Variants in VWA3A observed in about 807,000 individuals in gnomAD.
The protein encoded by VWA3A is von Willebrand factor A domain-containing protein 3A.
A neutral mutation model predicts 160.4 loss-of-function variants in VWA3A; 134 were observed. That is an observed-to-expected ratio of 0.84 (90% confidence interval 0.73 to 0.96). The LOEUF (loss-of-function observed/expected upper bound fraction) is 0.96, where lower values mean the gene tolerates loss of function less well. Ranked by LOEUF, VWA3A falls within the 40% of genes least tolerant of loss-of-function variation. The pLI is 0.00. For missense variants in VWA3A, 1,310 were observed against 1,447.9 expected (o/e 0.90, Z 1.55); for synonymous variants, 476 against 543.4 (o/e 0.88, Z 1.72).
intron 7 of VWA3A, among the ~76,000 whole-genome samples, chr16:22,109,802 C>T (rs567737657): frequency 5.9e-5 from 9 of 152,356 alleles, no homozygotes; most frequent in Admixed American, 2.0e-4. Flanking sequence ...CCAGTATTCT[C>T]ACCACGACAG....
chr16:22,140,234 C>T lies in VWA3A; in HGVS notation c.2373C>T (p.Gly791=). 6.2e-7 allele frequency: 1 copy of T among 1,613,420 alleles called. No homozygotes were observed. Among genetic ancestry groups the T allele is most frequent in the Non-Finnish European group, 8.5e-7 (1 of 1,179,630 alleles). Residue 791 remains glycine (G), a synonymous_variant, in exon 23 of 34, where the codon GGC becomes GGT. Coordinates refer to ENST00000389398, the MANE Select transcript of VWA3A (RefSeq NM_173615.5). ...LKWRPLSSRV[G]ISPAAAQPTK... is the part of the protein sequence containing the mutation. ...GGCGTCCACTCAGTAGCAGAGTTGGCATCTCACCAGGTAAGGCACCATCAC... is the reference window on the plus strand; with the variant it reads ...GGCGTCCACTCAGTAGCAGAGTTGGTATCTCACCAGGTAAGGCACCATCAC...
chr16:22,119,596 G>A (rs1042471417), intron 12 of VWA3A, among the ~76,000 whole-genome samples: 9 of 152,328 alleles, frequency 5.9e-5, no homozygotes, highest in African/African-American at 2.2e-4. Context: ...ATTGAACCTG[G>A]GAGATTGAGG....
intron 31 of VWA3A, among the ~76,000 whole-genome samples, chr16:22,155,086 C>T (rs2046418330): frequency 4.0e-5 from 6 of 149,304 alleles, no homozygotes; most frequent in South Asian, 4.3e-4. Flanking sequence ...CCCAGGAGGT[C>T]GAGGCTACAG....
In VWA3A at chr16:22,096,943, T is replaced by G. The variant is rs955745374; in HGVS notation, c.99T>G (p.His33Gln). The change falls in exon 2 of 34, where the codon CAT (histidine) becomes CAG (glutamine). Residue 33 changes from histidine (H) to glutamine (Q), a missense_variant and splice_region_variant. By Grantham distance (24) the His-to-Gln change is conservative. Transcript: ENST00000389398. ...HGQENMFLEN[H>Q]CIRRNTGRDS... ...AAGAAAATATGTTTCTGGAAAACCATTGGTAAGCATAGTTCTCTGATTTTT... is the reference window on the plus strand; with the variant it reads ...AAGAAAATATGTTTCTGGAAAACCAGTGGTAAGCATAGTTCTCTGATTTTT... 1 of 1,535,150 alleles carries G rather than the reference T, an allele frequency of 6.5e-7. No homozygotes were observed. Among genetic ancestry groups the G allele is most frequent in the Admixed American group, 2.0e-5 (1 of 50,474 alleles).
Position 22,145,779 on chromosome 16 carries a change from C to CA in VWA3A, c.2731-445dup, listed in dbSNP as rs71151663. Among the ~76,000 whole-genome samples the CA allele has an allele frequency of 1.7e-3, 249 of 144,522 alleles. 1 individual carries two copies. Among genetic ancestry groups the CA allele is most frequent in the African/African-American group, 4.3e-3 (170 of 39,288 alleles). 94.8% of individuals were successfully genotyped at this position (144,522 alleles called of 152,430 possible). A position where few individuals can be genotyped will look rare whatever the true frequency, so the allele number is the denominator to read the frequency against. Reference sequence around the variant, plus strand: ...TAATAGAAGAAAAAAAGGCTTTAAACAAAAAAAAAAAATACACTTAACAGA... The same window carrying CA: ...TAATAGAAGAAAAAAAGGCTTTAAACAAAAAAAAAAAAATACACTTAACAGA... On this transcript the variant is annotated intron_variant, in intron 26 of 33. Coordinates refer to ENST00000389398, the MANE Select transcript of VWA3A (RefSeq NM_173615.5).
At chr16:22,134,658 G>GTGTT (rs34781292) in intron 21 of VWA3A, among the ~76,000 whole-genome samples, 21,818 of 151,426 alleles carry the variant, frequency 0.14, 1,712 homozygotes, top group African/African-American at 0.2. Flanking sequence ...GTGGCAATTG[G>GTGTT]TGTTTGTTTG....
chr16:22,137,009 A>T (rs2046056405), intron 21 of VWA3A, among the ~76,000 whole-genome samples: 1 of 152,004 alleles, frequency 6.6e-6, no homozygotes, highest in Non-Finnish European at 1.5e-5. Flanking sequence ...GGAGGCAGAG[A>T]TTGCAGTGAG....
Position 22,126,166 on chromosome 16 carries a change from G to A in VWA3A, c.1533-12G>A, listed in dbSNP as rs2045844965. ...ATTCGGTTCTCCTCTTAAAGCTCGT[G>A]TTTCCTTTTAGGGTGGTTGTACTGC... On this transcript the variant is annotated splice_polypyrimidine_tract_variant and intron_variant, in intron 16 of 33. Coordinates refer to ENST00000389398, the MANE Select transcript of VWA3A (RefSeq NM_173615.5). 5.6e-6 allele frequency: 9 copies of A among 1,613,090 alleles called. No individual in the cohort carries two copies. The highest frequency in any genetic ancestry group is 2.7e-5 in the African/African-American group (2 of 74,896).
At position 22,156,091 on chromosome 16, in the gene VWA3A, G is replaced by A. The variant is rs2046436441; in HGVS notation, c.*74G>A. 1 of 667,572 alleles carries A rather than the reference G, an allele frequency of 1.5e-6. No homozygotes were observed. The highest frequency in any genetic ancestry group is 2.5e-6 in the Non-Finnish European group (1 of 394,232). 41.4% of individuals were successfully genotyped at this position (667,572 alleles called of 1,614,324 possible). A position where few individuals can be genotyped will look rare whatever the true frequency, so the allele number is the denominator to read the frequency against. ...AATCTCAGCCCCGAGGGCAGGATGG[G>A]ATGAAATGCTGTGACCTGCAGGAAA... On this transcript the variant is annotated 3_prime_UTR_variant, in exon 34 of 34. Transcript: ENST00000389398.
Position 22,117,149 on chromosome 16 carries a change from C to CTG in VWA3A, c.964_965insGT (p.Tyr322CysfsTer63). ...ACCTTGCAGAAGCTGTTAGGGGCTA[C>CTG]TACCACTGCTACAGCCCAAAGATGG... On this transcript the variant is annotated frameshift_variant, in exon 11 of 34. Coordinates refer to ENST00000389398, the MANE Select transcript of VWA3A (RefSeq NM_173615.5). LOFTEE classifies it high-confidence loss of function. 6.3e-7 allele frequency: 1 copy of CTG among 1,583,564 alleles called. No homozygotes were observed. The highest frequency in any genetic ancestry group is 8.6e-7 in the Non-Finnish European group (1 of 1,164,592).
chr16:22,131,241 G>A lies in VWA3A; in HGVS notation c.1689G>A (p.Met563Ile), dbSNP rs766545211. The A allele has an allele frequency of 5.0e-6, 8 of 1,613,890 alleles. No individual in the cohort carries two copies. Among genetic ancestry groups the A allele is most frequent in the South Asian group, 3.3e-5 (3 of 91,068 alleles). Reference protein sequence around the residue: ...GSTIESWRPEMVPVSHNNLQS... With the variant: ...GSTIESWRPEIVPVSHNNLQS... Reference sequence around the variant, plus strand: ...CAATTGAAAGCTGGAGGCCTGAGATGGTTCCCGTGAGTCACAACAATTTAC... The same window carrying A: ...CAATTGAAAGCTGGAGGCCTGAGATAGTTCCCGTGAGTCACAACAATTTAC... The change falls in exon 18 of 34, where the codon ATG becomes ATA. Residue 563 changes from methionine to isoleucine, a missense_variant. By Grantham distance (10) the Met-to-Ile change is conservative. Transcript: ENST00000389398.
chr16:22,151,203 C>T (rs908418608), intron 30 of VWA3A, among the ~76,000 whole-genome samples: 2 of 151,496 alleles, frequency 1.3e-5, no homozygotes, highest in African/African-American at 4.9e-5. Flanking sequence ...TCACTTGATC[C>T]AGGGAGGCAG....
At position 22,097,673 on chromosome 16, in the gene VWA3A, TTAA is replaced by T; in HGVS notation, c.204_206del (p.Asn69del). Reference sequence around the variant, plus strand: ...GACAATGGATTATTGGTTACACATGTTAACCAGACACAGGACTTACTGGTAAAG... The same window carrying T: ...GACAATGGATTATTGGTTACACATGTCCAGACACAGGACTTACTGGTAAAG... On this transcript the variant is annotated inframe_deletion, in exon 3 of 34. Coordinates refer to ENST00000389398, the MANE Select transcript of VWA3A (RefSeq NM_173615.5). 6.4e-7 allele frequency: 1 copy of T among 1,551,720 alleles called. No homozygotes were observed. The highest frequency in any genetic ancestry group is 8.7e-7 in the Non-Finnish European group (1 of 1,146,966).
Position 22,156,162 on chromosome 16 carries a change from A to T in VWA3A, c.*145A>T. 1.9e-6 allele frequency: 1 copy of T among 530,698 alleles called. No homozygotes were observed. The highest frequency in any genetic ancestry group is 1.9e-5 in the African/African-American group (1 of 52,126). The allele number at this position is 530,698 out of a possible 1,614,324, so 32.9% of individuals were successfully genotyped here. A position where few individuals can be genotyped will look rare whatever the true frequency, so the allele number is the denominator to read the frequency against. The stretch of plus-strand genomic sequence containing the variant: ...CTCTCTGGAAGCTGAGGAAGGAAAG[A>T]CTTTGTCTTTTGTGTGAGGGGCCAT... On this transcript the variant is annotated 3_prime_UTR_variant, in exon 34 of 34. Coordinates refer to ENST00000389398, the MANE Select transcript of VWA3A (RefSeq NM_173615.5).
At chr16:22,133,374 AG>A (rs1392567205) in intron 20 of VWA3A, among the ~76,000 whole-genome samples, 3 of 152,190 alleles carry the variant, frequency 2.0e-5, no homozygotes, top group Non-Finnish European at 4.4e-5. Context: ...GAAGTAGGCC[AG>A]GAACAGTGGC....
At chr16:22,108,007 C>G (rs2045505328) in intron 6 of VWA3A, among the ~76,000 whole-genome samples, 1 of 152,144 alleles carries the variant, frequency 6.6e-6, no homozygotes, top group Admixed American at 6.5e-5. Flanking sequence ...TTGACACAGT[C>G]AAACTGTGCT....
chr16:22,133,117 C>T (rs1598087071), intron 20 of VWA3A, 22 bp downstream of exon 20: 2 of 1,600,002 alleles, frequency 1.3e-6, no homozygotes, highest in East Asian at 4.5e-5. Flanking sequence ...TTTCCTCATC[C>T]CTTCAGCTCA....
chr16:22,100,715 G>A (rs1365069757), intron 5 of VWA3A, among the ~76,000 whole-genome samples: 2 of 151,808 alleles, frequency 1.3e-5, no homozygotes, highest in Non-Finnish European at 2.9e-5. Context: ...GGTGGTGCAT[G>A]CCTGTATCCC....
chr16:22,120,073 CAATGTTCA>C (rs1288357706), intron 12 of VWA3A, among the ~76,000 whole-genome samples: 1 of 151,614 alleles, frequency 6.6e-6, no homozygotes, highest in Non-Finnish European at 1.5e-5. Context: ...GAGATAGGCA[CAATGTTCA>C]ATTATTTAAA....
Sources: allele counts gnomAD v4.1 joint callset (sites outside exome capture counted in the v4.1 genomes callset), GRCh38; gene constraint gnomAD v4.1.1; transcripts MANE v1.5; gene names NCBI Gene and HGNC (gene_info 2026-07-23, HGNC 2026-07-21).